The following FBXO6 variants were observed in gnomAD, a reference collection of about 807,000 sequenced individuals.
FBXO6 encodes the protein F-box protein 6.
Under a neutral mutation model 25.0 loss-of-function variants are expected in FBXO6, and 13 were observed. That is an observed-to-expected ratio of 0.52 (90% CI 0.34 to 0.83). FBXO6 has a LOEUF of 0.83. Ranked by LOEUF, FBXO6 falls within the 40% of genes least tolerant of loss-of-function variation. The probability of loss-of-function intolerance (pLI) is 0.02; values close to 1 mark genes in which losing one functional copy is unlikely to be tolerated. For synonymous variants in FBXO6, 138 were observed against 155.3 expected (o/e 0.89, Z 0.83); for missense variants, 370 against 380.2 (o/e 0.97, Z 0.22).
At chr1:11,670,747 G>A (rs115224359) in intron 2 of FBXO6, among the ~76,000 whole-genome samples, 2,134 of 152,088 alleles carry the variant, frequency 0.014, 20 homozygotes, top group Non-Finnish European at 0.022. Context: ...GCAAGCCACC[G>A]TGCCCGGCTT....
rs1418107690 is a variant in FBXO6, at chr1:11,673,604, C to T, written c.646-11C>T. On this transcript the variant is annotated splice_polypyrimidine_tract_variant and intron_variant, in intron 5 of 5. Transcript: ENST00000376753. The surrounding 1 kb of genome is among the most constrained non-coding windows in gnomAD (Gnocchi z 4.3). ...TCCCGGTGGTCACTTCCTCTCCCTTCCTCCCAACAGGTCTCCTACACCTTC... is the reference window on the plus strand; with the variant it reads ...TCCCGGTGGTCACTTCCTCTCCCTTTCTCCCAACAGGTCTCCTACACCTTC... The T allele has an allele frequency of 6.2e-7, 1 of 1,609,932 alleles. No homozygotes were observed. Among genetic ancestry groups the T allele is most frequent in the South Asian group, 1.1e-5 (1 of 90,972 alleles).
chr1:11,665,554 CTTTTTTTTTT>C (rs70983579), intron 1 of FBXO6, among the ~76,000 whole-genome samples: 6 of 37,848 alleles, frequency 1.6e-4, no homozygotes, highest in African/African-American at 9.2e-4. Flanking sequence ...CGCGCCCGGC[CTTTTTTTTTT>C]TTTTTTTTTT....
intron 3 of FBXO6, among the ~76,000 whole-genome samples, chr1:11,671,654 G>A (rs933401580): frequency 3.9e-5 from 6 of 152,214 alleles, no homozygotes; most frequent in Non-Finnish European, 8.8e-5. Flanking sequence ...GCATCTGTCC[G>A]TAAGCTAGGA....
At position 11,673,735 on chromosome 1, in the gene FBXO6, G is replaced by A. The variant is rs1213508671; in HGVS notation, c.766G>A (p.Val256Ile). The change falls in exon 6 of 6, where the codon GTC (valine) becomes ATC (isoleucine). Residue 256 changes from valine (V) to isoleucine (I), a missense_variant. Coordinates refer to ENST00000376753, the MANE Select transcript of FBXO6 (RefSeq NM_018438.6). The surrounding 1 kb of genome is among the most constrained non-coding windows in gnomAD (Gnocchi z 4.3). ...YGPRVTNSSI[V>I]VSPKMTRNQA... ...GCCCCGAGTCACCAACAGCAGCATT[G>A]TCGTCAGCCCCAAGATGACCAGGAA... The A allele has an allele frequency of 1.2e-6, 2 of 1,614,106 alleles. No homozygotes were observed. The highest frequency in any genetic ancestry group is 2.2e-5 in the South Asian group (2 of 91,076).
intron 2 of FBXO6, among the ~76,000 whole-genome samples, chr1:11,670,442 A>G (rs1048723781): frequency 6.6e-6 from 1 of 151,778 alleles, no homozygotes; most frequent in Non-Finnish European, 1.5e-5. Flanking sequence ...TCTGAGCCCT[A>G]TGGGAATCTT....
intron 1 of FBXO6, among the ~76,000 whole-genome samples, chr1:11,666,973 C>G (rs1007592872): frequency 5.9e-5 from 9 of 151,976 alleles, no homozygotes; most frequent in South Asian, 4.1e-4. Flanking sequence ...ATGGTGAAAC[C>G]CTGTCTCTAC....
intron 3 of FBXO6, 94 bp from the exon 4 acceptor site, chr1:11,671,834 C>A: frequency 8.7e-7 from 1 of 1,153,226 alleles, no homozygotes; most frequent in Non-Finnish European, 1.3e-6. Flanking sequence ...CCCAAACCAC[C>A]TCCCTGGGCT....
At position 11,671,873 on chromosome 1, in the gene FBXO6, G is replaced by T. The variant is rs976550135; in HGVS notation, c.414-55G>T. On this transcript the variant is annotated intron_variant, in intron 3 of 5. Coordinates refer to ENST00000376753, the MANE Select transcript of FBXO6 (RefSeq NM_018438.6). ...AGGGGCTGCCAAGGCCTGGGTGAGG[G>T]GGGGGGCCATGCAGAGCACACCCAG... 58 of 1,496,924 alleles carry T rather than the reference G, an allele frequency of 3.9e-5. No homozygotes were observed. In the East Asian group the frequency reaches 7.7e-4, roughly 20 times the overall value. 92.7% of individuals were successfully genotyped at this position (1,496,924 alleles called of 1,614,324 possible).
chr1:11,671,180 T>G (rs1640605775), intron 2 of FBXO6, 86 bp from the exon 3 acceptor site: 2 of 1,517,818 alleles, frequency 1.3e-6, no homozygotes, highest in East Asian at 4.7e-5. Context: ...CCAACCACCC[T>G]CCCTCCCGCC....
chr1:11,666,340 G>A (rs201131908), intron 1 of FBXO6, among the ~76,000 whole-genome samples: 147 of 151,292 alleles, frequency 9.7e-4, no homozygotes, highest in African/African-American at 3.2e-3. Context: ...TTATAGAGAC[G>A]GGGCCTCCCT....
Position 11,669,673 on chromosome 1 carries a change from T to TAC in FBXO6, c.286+729_286+730insAC, listed in dbSNP as rs746105480. On this transcript the variant is annotated intron_variant, in intron 2 of 5. Coordinates refer to ENST00000376753, the MANE Select transcript of FBXO6 (RefSeq NM_018438.6). ...GTGTATACATATACACATGTATATATGTACACATATATACGTATATATACA... is the reference window on the plus strand; with the variant it reads ...GTGTATACATATACACATGTATATATACGTACACATATATACGTATATATACA... Among the ~76,000 whole-genome samples, 163 of 144,194 alleles carry TAC rather than the reference T, an allele frequency of 1.1e-3. 3 individuals are homozygous for TAC. The highest frequency in any genetic ancestry group is 4.0e-3 in the African/African-American group (142 of 35,880). The allele number at this position is 144,194 out of a possible 152,430, so 94.6% of individuals were successfully genotyped here. A position where few individuals can be genotyped will look rare whatever the true frequency, so the allele number is the denominator to read the frequency against.
At chr1:11,671,465 C>A (rs1640613852) in intron 3 of FBXO6, 73 bp downstream of exon 3, 2 of 1,574,356 alleles carry the variant, frequency 1.3e-6, no homozygotes, top group East Asian at 2.3e-5. Flanking sequence ...AAGTCTCAGG[C>A]AAAGTCTTCC....
intron 2 of FBXO6, 57 bp downstream of exon 2, chr1:11,669,001 C>T: frequency 1.9e-6 from 3 of 1,581,954 alleles, no homozygotes; most frequent in Non-Finnish European, 2.6e-6. Context: ...CATCCTTGGG[C>T]CTTGGCACTT....
chr1:11,673,754 C>A lies in FBXO6; in HGVS notation c.785C>A (p.Thr262Asn), dbSNP rs1359597126. 6.2e-7 allele frequency: 1 copy of A among 1,614,148 alleles called. No homozygotes were observed. The highest frequency in any genetic ancestry group is 1.7e-5 in the Admixed American group (1 of 60,026). The change falls in exon 6 of 6, where the codon ACC becomes AAC. Residue 262 changes from threonine (T) to asparagine (N), a missense_variant. Transcript: ENST00000376753. This position sits in a 1 kb window ranked among gnomAD's most constrained non-coding sequence, Gnocchi z 4.3. ...AGCATTGTCGTCAGCCCCAAGATGA[C>A]CAGGAACCAGGCCTCCTCCGAGGCT... The part of the protein sequence containing the change: ...NSSIVVSPKM[T>N]RNQASSEAQP...
rs1304950022 is a variant in FBXO6, at chr1:11,673,356, T to C, written c.589T>C (p.Ser197Pro). Residue 197 changes from serine (S) to proline (P), a missense_variant, in exon 5 of 6, where the codon TCC becomes CCC. Ser to Pro is a moderately conservative substitution (Grantham distance 74). Transcript: ENST00000376753. The surrounding 1 kb of genome is among the most constrained non-coding windows in gnomAD (Gnocchi z 4.3). ...CTCGGCTGACTACTTCGTGTTGGCCTCCTTCGAGCCCCCACCTGTGACCAT... is the reference window on the plus strand; with the variant it reads ...CTCGGCTGACTACTTCGTGTTGGCCCCCTTCGAGCCCCCACCTGTGACCAT... The part of the protein sequence containing the change: ...LASADYFVLA[S>P]FEPPPVTIQQ... 6.2e-7 allele frequency: 1 copy of C among 1,614,082 alleles called. No individual in the cohort carries two copies. Among genetic ancestry groups the C allele is most frequent in the Non-Finnish European group, 8.5e-7 (1 of 1,180,022 alleles).
chr1:11,668,607 T>C, intron 1 of FBXO6, 49 bp from the exon 2 acceptor site: 1 of 1,587,516 alleles, frequency 6.3e-7, no homozygotes, highest in Non-Finnish European at 8.6e-7. Flanking sequence ...CCTGGGGACC[T>C]GAGGGCCCAC....
intron 3 of FBXO6, 152 bp downstream of exon 3, chr1:11,671,544 G>A (rs745568082): frequency 1.9e-6 from 2 of 1,070,666 alleles, no homozygotes; most frequent in South Asian, 1.6e-5. Flanking sequence ...ACTGCTTCCT[G>A]AAATCACTCA....
At chr1:11,669,812 C>T (rs1480265278) in intron 2 of FBXO6, among the ~76,000 whole-genome samples, 1 of 149,764 alleles carries the variant, frequency 6.7e-6, no homozygotes, top group Non-Finnish European at 1.5e-5. Context: ...AATTTTTGTA[C>T]TTTTAGTAGA....
rs1553166525 is a variant in FBXO6, at chr1:11,665,042, C to CATTTATTT, written c.-4+802_-4+809dup. Among the ~76,000 whole-genome samples the CATTTATTT allele has an allele frequency of 3.7e-3, 556 of 150,688 alleles. 2 individuals carry two copies. Among genetic ancestry groups the CATTTATTT allele is most frequent in the African/African-American group, 0.012 (497 of 41,028 alleles). On this transcript the variant is annotated intron_variant, in intron 1 of 5. Transcript: ENST00000376753. ...AGACAGTGCCTTTAGAAGCTGCCAG[C>CATTTATTT]ATTTATTTATTTATTTATTTATGGC...
Sources: gnomAD v4.1 joint callset for allele counts (sites outside exome capture counted in the v4.1 genomes callset) on GRCh38, gnomAD v4.1.1 for gene constraint, Gnocchi (gnomAD v3.1) non-coding constraint, MANE v1.5 for transcripts, NCBI Gene and HGNC (gene_info 2026-07-23, HGNC 2026-07-21) for gene names.